The following CADM1 variants were observed in gnomAD, a reference collection of about 807,000 sequenced individuals.
CADM1 encodes the protein cell adhesion molecule 1, also known as TSLC-1.
In CADM1, 15 loss-of-function variants were observed where a neutral mutation model predicts 53.1. The ratio of observed to expected loss-of-function variants is 0.28; its 90% CI spans 0.19 to 0.44. CADM1 has a LOEUF of 0.44. Ranked by LOEUF, CADM1 falls within the 20% of genes least tolerant of loss-of-function variation. The pLI is 1.00. For synonymous variants in CADM1, 281 were observed against 243.0 expected (o/e 1.16, Z -1.45); for missense variants, 434 against 611.3 (o/e 0.71, Z 3.06).
At chr11:115,379,484 C>T (rs980457115) in intron 1 of CADM1, among the ~76,000 whole-genome samples, 1 of 152,122 alleles carries the variant, frequency 6.6e-6, no homozygotes, top group Non-Finnish European at 1.5e-5. Flanking sequence ...TCTTGTGATA[C>T]CAACATTTCC....
intron 1 of CADM1, among the ~76,000 whole-genome samples, chr11:115,443,067 C>A (rs543716573): frequency 1.3e-5 from 2 of 152,168 alleles, no homozygotes; most frequent in Non-Finnish European, 1.5e-5. Context: ...TACTTCAGTA[C>A]CTCTTTCATT....
chr11:115,301,961 AC>A (rs1315777623), intron 1 of CADM1, among the ~76,000 whole-genome samples: 4 of 152,134 alleles, frequency 2.6e-5, no homozygotes, highest in Non-Finnish European at 5.9e-5. Flanking sequence ...ATAAAATGTT[AC>A]TGTATAATTT....
At chr11:115,491,491 G>A (rs2135428143) in intron 1 of CADM1, among the ~76,000 whole-genome samples, 1 of 152,100 alleles carries the variant, frequency 6.6e-6, no homozygotes, top group East Asian at 1.9e-4. Flanking sequence ...CATGAACCTG[G>A]CGGCGGGGAG....
intron 1 of CADM1, among the ~76,000 whole-genome samples, chr11:115,477,585 C>T (rs1379097572): frequency 6.6e-6 from 1 of 152,234 alleles, no homozygotes; most frequent in South Asian, 2.1e-4. Flanking sequence ...TGTATTGAAA[C>T]AGTAAACTTC....
At chr11:115,181,380 C>T (rs2134597540) in intron 10 of CADM1, among the ~76,000 whole-genome samples, 1 of 152,222 alleles carries the variant, frequency 6.6e-6, no homozygotes, top group East Asian at 1.9e-4. Flanking sequence ...AAACTAGAAC[C>T]TTAGATGTTC....
At chr11:115,290,144 G>A (rs1043487470) in intron 1 of CADM1, among the ~76,000 whole-genome samples, 1 of 152,214 alleles carries the variant, frequency 6.6e-6, no homozygotes, top group South Asian at 2.1e-4. Flanking sequence ...ATGGAGGGAA[G>A]GGCAGAAAGG....
At chr11:115,281,674 C>A (rs766900877) in intron 1 of CADM1, among the ~76,000 whole-genome samples, 1 of 152,058 alleles carries the variant, frequency 6.6e-6, no homozygotes, top group Non-Finnish European at 1.5e-5. Context: ...AAAGATGGAT[C>A]TTCAGATCCA....
intron 1 of CADM1, among the ~76,000 whole-genome samples, chr11:115,323,627 C>A (rs1944882486): frequency 6.6e-6 from 1 of 152,106 alleles, no homozygotes; most frequent in Non-Finnish European, 1.5e-5. Context: ...AAGAATAAAG[C>A]ACAGATTCAG....
intron 1 of CADM1, 30 bp downstream of exon 1, chr11:115,504,241 A>T: frequency 6.4e-7 from 1 of 1,565,090 alleles, no homozygotes; most frequent in Admixed American, 1.9e-5. Flanking sequence ...TCGGAGATTT[A>T]GGGGCCAACC....
intron 3 of CADM1, among the ~76,000 whole-genome samples, chr11:115,234,644 G>C (rs1941945824): frequency 6.6e-6 from 1 of 152,124 alleles, no homozygotes; most frequent in South Asian, 2.1e-4. Flanking sequence ...TGTAATGCCA[G>C]CACTTTGGGA....
rs890808971 is a variant in CADM1 at position 115,439,768 on chromosome 11, T to A, written c.124+64503A>T. On this transcript the variant is annotated intron_variant, in intron 1 of 11. Coordinates refer to ENST00000331581, the MANE Select transcript of CADM1 (RefSeq NM_001301043.2). ...CATAACACTCCAGTAGCACAGAAGG[T>A]CTTTTAATAATATCTGCACTGAGAA... Among the ~76,000 whole-genome samples the A allele has an allele frequency of 7.9e-5, 12 of 152,330 alleles. 1 individual carries two copies. The highest frequency in any genetic ancestry group is 2.6e-4 in the Admixed American group (4 of 15,302).
At chr11:115,249,948 A>G (rs1233022634) in intron 1 of CADM1, among the ~76,000 whole-genome samples, 1 of 145,656 alleles carries the variant, frequency 6.9e-6, no homozygotes, top group Non-Finnish European at 1.5e-5. Context: ...TCTGTTGCCC[A>G]GGCTGCAGTG....
At chr11:115,207,597 A>G (rs1313394651) in intron 8 of CADM1, among the ~76,000 whole-genome samples, 1 of 151,968 alleles carries the variant, frequency 6.6e-6, no homozygotes, top group South Asian at 2.1e-4. Context: ...AAAAAAAAAA[A>G]GCATAAGCTA....
chr11:115,377,684 C>T (rs1248016404), intron 1 of CADM1: 2 of 152,110 alleles, frequency 1.3e-5, no homozygotes, highest in African/African-American at 2.4e-5. Context: ...AAGAAGGAAA[C>T]TAGTATTCTC....
chr11:115,415,931 G>A (rs1476776279), intron 1 of CADM1, among the ~76,000 whole-genome samples: 1 of 151,694 alleles, frequency 6.6e-6, no homozygotes, highest in Non-Finnish European at 1.5e-5. Context: ...GGTGATCTTA[G>A]GGTAGAAAGA....
chr11:115,183,341 C>T (rs1939399758), intron 10 of CADM1, among the ~76,000 whole-genome samples: 1 of 152,222 alleles, frequency 6.6e-6, no homozygotes, highest in Non-Finnish European at 1.5e-5. Flanking sequence ...TACTTTACCA[C>T]CTGGCATGAG....
chr11:115,456,712 T>C lies in CADM1; in HGVS notation c.124+47559A>G, dbSNP rs143480675. On this transcript the variant is annotated intron_variant, in intron 1 of 11. Transcript: ENST00000331581. Reference sequence around the variant, plus strand: ...TAAATCACTAAAATCCCTTATAAAATAGAGACAGTAATCCCTGTCTGCCAC... The same window carrying C: ...TAAATCACTAAAATCCCTTATAAAACAGAGACAGTAATCCCTGTCTGCCAC... Among the ~76,000 whole-genome samples the C allele has an allele frequency of 2.8e-3, 427 of 152,200 alleles. 6 individuals are homozygous for C. The highest frequency in any genetic ancestry group is 2.7e-3 in the Non-Finnish European group (183 of 67,984).
rs12286238 is a variant in CADM1 at position 115,336,018 on chromosome 11, T to C, written c.125-95598A>G. Among the ~76,000 whole-genome samples the C allele has an allele frequency of 6.3e-3, 960 of 152,258 alleles. 9 individuals carry two copies. The highest frequency in any genetic ancestry group is 0.022 in the African/African-American group (921 of 41,566). ...CTATAGTTTAACTCAATCTCCCCAGTCTTCTTCCTTGAGACAAGTATGTAG... is the reference window on the plus strand; with the variant it reads ...CTATAGTTTAACTCAATCTCCCCAGCCTTCTTCCTTGAGACAAGTATGTAG... On this transcript the variant is annotated intron_variant, in intron 1 of 11. Transcript: ENST00000331581.
chr11:115,317,877 G>A (rs1327202409), intron 1 of CADM1, among the ~76,000 whole-genome samples: 11 of 152,024 alleles, frequency 7.2e-5, no homozygotes. Context: ...ATGGCATAAG[G>A]CCAAGTAATC....
Sources: gnomAD v4.1 joint callset for allele counts (sites outside exome capture counted in the v4.1 genomes callset) on GRCh38, gnomAD v4.1.1 for gene constraint, MANE v1.5 for transcripts, NCBI Gene and HGNC (gene_info 2026-07-23, HGNC 2026-07-21) for gene names.